CORO2B: variants seen among roughly 807,000 people sequenced by gnomAD.
The protein encoded by CORO2B is coronin-2B.
Under a neutral mutation model 58.8 loss-of-function variants are expected in CORO2B, and 26 were observed. The observed-to-expected ratio is 0.44, with a 90% confidence interval of 0.32 to 0.61. CORO2B has a LOEUF of 0.61. Ranked by LOEUF, CORO2B falls within the 20% of genes least tolerant of loss-of-function variation. CORO2B has a pLI of 0.04. For synonymous variants in CORO2B, 242 were observed against 253.8 expected, an observed-to-expected ratio of 0.95 and a Z score of 0.44; for missense variants, 460 against 645.1, an observed-to-expected ratio of 0.71 and a Z score of 3.11.
intron 2 of CORO2B, among the ~76,000 whole-genome samples, chr15:68,678,531 A>C (rs1016559492): frequency 1.3e-4 from 20 of 152,166 alleles, no homozygotes; most frequent in Admixed American, 4.6e-4. Flanking sequence ...AAAATTAGCC[A>C]GGTGAGGTGG....
At chr15:68,562,849 C>T in the CORO2B span, among the ~76,000 whole-genome samples, 2 of 151,680 alleles carry the variant, frequency 1.3e-5, no homozygotes, top group Non-Finnish European at 2.9e-5. Flanking sequence ...TGGTGGCAGG[C>T]GCCGGTAGAA....
intron 2 of CORO2B, among the ~76,000 whole-genome samples, chr15:68,659,671 T>C (rs914272295): frequency 6.6e-6 from 1 of 152,232 alleles, no homozygotes; most frequent in Non-Finnish European, 1.5e-5. Flanking sequence ...TGGTGGCTCA[T>C]TCCTGTAATC....
At chr15:68,721,333 T>C (rs1396395914) in intron 11 of CORO2B, among the ~76,000 whole-genome samples, 1 of 152,172 alleles carries the variant, frequency 6.6e-6, no homozygotes, top group Non-Finnish European at 1.5e-5. Context: ...TGAAATGATG[T>C]GATAAATGGG....
At chr15:68,599,127 C>T (rs1430809157) in intron 1 of CORO2B, among the ~76,000 whole-genome samples, 1 of 152,220 alleles carries the variant, frequency 6.6e-6, no homozygotes, top group East Asian at 1.9e-4. Flanking sequence ...TTGCTGCCCC[C>T]AAACTCAACC....
intron 1 of CORO2B, among the ~76,000 whole-genome samples, chr15:68,603,357 T>C (rs1330188010): frequency 1.3e-5 from 2 of 152,216 alleles, no homozygotes; most frequent in African/African-American, 4.8e-5. Flanking sequence ...CAAATAATTA[T>C]TATCTTAAAA....
intron 2 of CORO2B, among the ~76,000 whole-genome samples, chr15:68,650,544 G>A (rs1455889830): frequency 6.6e-6 from 1 of 152,126 alleles, no homozygotes; most frequent in Admixed American, 6.5e-5. Context: ...CCTGGGAGCC[G>A]GAAGTTGTAG....
chr15:68,557,759 G>A, the CORO2B span, among the ~76,000 whole-genome samples: 2 of 152,246 alleles, frequency 1.3e-5, no homozygotes, highest in African/African-American at 2.4e-5. Flanking sequence ...ATGCCAGGAC[G>A]TAAACCCAGG....
At chr15:68,695,297 C>T in intron 3 of CORO2B, 41 bp downstream of exon 3, 1 of 1,459,286 alleles carries the variant, frequency 6.9e-7, no homozygotes, top group South Asian at 1.1e-5. Context: ...GGGCTCAGGC[C>T]CCTCCCTGCT....
chr15:68,651,977 C>G (rs1223258352), intron 2 of CORO2B, among the ~76,000 whole-genome samples: 1 of 152,240 alleles, frequency 6.6e-6, no homozygotes, highest in African/African-American at 2.4e-5. Flanking sequence ...GTACAGCACT[C>G]TCAAGTTCCA....
chr15:68,625,417 C>A (rs1188919480), intron 1 of CORO2B, among the ~76,000 whole-genome samples: 1 of 152,142 alleles, frequency 6.6e-6, no homozygotes, highest in Non-Finnish European at 1.5e-5. Context: ...TCCACTGCCT[C>A]CTGAAATTCC....
intron 2 of CORO2B, among the ~76,000 whole-genome samples, chr15:68,690,746 C>G (rs923370865): frequency 6.7e-6 from 1 of 149,202 alleles, no homozygotes; most frequent in African/African-American, 2.5e-5. Context: ...GCCTCCTGGG[C>G]TCAAGCAATC....
chr15:68,723,184 C>A (rs112800324), intron 11 of CORO2B, among the ~76,000 whole-genome samples: 2,079 of 133,420 alleles, frequency 0.016, 47 homozygotes, highest in African/African-American at 0.057. Context: ...TACAATGGCA[C>A]AATCTTGACT....
At chr15:68,520,456 T>C in the CORO2B span, among the ~76,000 whole-genome samples, 1 of 152,242 alleles carries the variant, frequency 6.6e-6, no homozygotes, top group Non-Finnish European at 1.5e-5. Context: ...GTTAAATACA[T>C]AAAAATTTGG....
At chr15:68,679,901 C>G (rs1902719240) in intron 2 of CORO2B, among the ~76,000 whole-genome samples, 8 of 152,238 alleles carry the variant, frequency 5.3e-5, no homozygotes, top group Admixed American at 5.2e-4. Context: ...ATCTCCTTCT[C>G]TGGCCCCTTA....
chr15:68,554,725 G>A, the CORO2B span, among the ~76,000 whole-genome samples: 1 of 152,208 alleles, frequency 6.6e-6, no homozygotes, highest in African/African-American at 2.4e-5. Context: ...AGGAAACTGA[G>A]TCTCAGAGCG....
chr15:68,716,967 G>A (rs1231756591), intron 8 of CORO2B, among the ~76,000 whole-genome samples: 1 of 152,134 alleles, frequency 6.6e-6, no homozygotes, highest in Non-Finnish European at 1.5e-5. Context: ...TTTTTCTTGA[G>A]TGGGACATGA....
intron 2 of CORO2B, among the ~76,000 whole-genome samples, chr15:68,672,944 G>A (rs1405391967): frequency 6.6e-6 from 1 of 152,190 alleles, no homozygotes; most frequent in Non-Finnish European, 1.5e-5. Flanking sequence ...CTAATGGGGG[G>A]TACCAGGGTG....
At chr15:68,562,497 T>TA in the CORO2B span, among the ~76,000 whole-genome samples, 1 of 152,162 alleles carries the variant, frequency 6.6e-6, no homozygotes, top group Non-Finnish European at 1.5e-5. Flanking sequence ...TCAGATAAAA[T>TA]ATGGGTGGCT....
chr15:68,725,819 G>GC (rs752828037), intron 11 of CORO2B, 24 bp from the exon 12 acceptor site: 6 of 1,612,282 alleles, frequency 3.7e-6, no homozygotes, highest in South Asian at 1.1e-5. Flanking sequence ...GCCCTCCTTG[G>GC]CCCCCTCTCT....
Sources: allele counts gnomAD v4.1 joint callset (sites outside exome capture counted in the v4.1 genomes callset), GRCh38; gene constraint gnomAD v4.1.1; transcripts MANE v1.5; gene names NCBI Gene and HGNC (gene_info 2026-07-23, HGNC 2026-07-21).